The following SNAP25 variants were observed in gnomAD, a reference collection of about 807,000 sequenced individuals.
The protein encoded by SNAP25 is synaptosomal-associated protein 25.
SNAP25 carries 3 observed loss-of-function variants against 28.7 expected under a neutral mutation model. That is an observed-to-expected ratio of 0.10 (90% CI 0.05 to 0.27). The LOEUF is 0.27. SNAP25 is among the 10% of genes least tolerant of loss of function. The pLI, the probability that SNAP25 is intolerant of heterozygous loss-of-function variation, is 1.00. For missense variants in SNAP25, 117 were observed against 278.7 expected (o/e 0.42, Z 4.13); for synonymous variants, 61 against 88.1 (o/e 0.69, Z 1.72).
intron 1 of SNAP25, among the ~76,000 whole-genome samples, chr20:10,265,254 C>CA (rs2063487664): frequency 1.3e-5 from 2 of 152,298 alleles, no homozygotes; most frequent in South Asian, 4.1e-4. Flanking sequence ...AGAAAATTTA[C>CA]AACTATGAAC....
intron 1 of SNAP25, among the ~76,000 whole-genome samples, chr20:10,225,810 A>G (rs1160014347): frequency 6.6e-6 from 1 of 152,174 alleles, no homozygotes; most frequent in Non-Finnish European, 1.5e-5. Flanking sequence ...CTAGTCACAG[A>G]TCTTGAACTT....
At chr20:10,225,885 A>G (rs571261151) in intron 1 of SNAP25, among the ~76,000 whole-genome samples, 3 of 151,952 alleles carry the variant, frequency 2.0e-5, no homozygotes, top group Non-Finnish European at 4.4e-5. Flanking sequence ...GATAACAGCA[A>G]GTAAAAAAAT....
chr20:10,282,811 C>T (rs924373014), intron 3 of SNAP25, among the ~76,000 whole-genome samples: 1 of 152,146 alleles, frequency 6.6e-6, no homozygotes, highest in African/African-American at 2.4e-5. Flanking sequence ...AATTTCATCT[C>T]ACAAGAAATG....
chr20:10,262,504 T>C (rs911645807), intron 1 of SNAP25, among the ~76,000 whole-genome samples: 1 of 152,182 alleles, frequency 6.6e-6, no homozygotes, highest in African/African-American at 2.4e-5. Flanking sequence ...ACAGAGAATT[T>C]TTGTTCTTTT....
intron 1 of SNAP25, among the ~76,000 whole-genome samples, chr20:10,247,564 T>C (rs940353131): frequency 4.6e-5 from 7 of 152,226 alleles, no homozygotes; most frequent in African/African-American, 1.7e-4. Context: ...CCTCTTGGCC[T>C]ATTTTCTTTT....
chr20:10,218,920 T>G lies in SNAP25; in HGVS notation c.-121T>G, dbSNP rs1345526437. 6.6e-6 allele frequency: 1 copy of G among 152,256 alleles called. No homozygotes were observed. Among genetic ancestry groups the G allele is most frequent in the Non-Finnish European group, 1.5e-5 (1 of 68,152 alleles). 9.4% of individuals were successfully genotyped at this position (152,256 alleles called of 1,614,324 possible). Reference sequence around the variant, plus strand: ...TTTCCTTCCCTCCCTGCTCGGCGGCTCCACCACAGTTGCAACCTGCAGAGG... The same window carrying G: ...TTTCCTTCCCTCCCTGCTCGGCGGCGCCACCACAGTTGCAACCTGCAGAGG... On this transcript the variant is annotated 5_prime_UTR_variant, in exon 1 of 8. Transcript: ENST00000254976.
chr20:10,238,341 G>T (rs1405720141), intron 1 of SNAP25, among the ~76,000 whole-genome samples: 1 of 152,196 alleles, frequency 6.6e-6, no homozygotes, highest in African/African-American at 2.4e-5. Context: ...AGGCCACAGT[G>T]TAAGCCCTGA....
chr20:10,257,286 T>G (rs977851655), intron 1 of SNAP25, among the ~76,000 whole-genome samples: 2 of 152,174 alleles, frequency 1.3e-5, no homozygotes, highest in African/African-American at 4.8e-5. Flanking sequence ...CAAAAAGACA[T>G]TCACCTGGCC....
At chr20:10,271,104 C>T (rs2063584567) in intron 1 of SNAP25, among the ~76,000 whole-genome samples, 2 of 152,168 alleles carry the variant, frequency 1.3e-5, no homozygotes. Context: ...TCCTAGTTTC[C>T]TCTTTCTACC....
chr20:10,221,672 G>A (rs1287067654), intron 1 of SNAP25, among the ~76,000 whole-genome samples: 1 of 152,150 alleles, frequency 6.6e-6, no homozygotes, highest in African/African-American at 2.4e-5. Flanking sequence ...TTTTTACTTT[G>A]TTAAACACGC....
intron 4 of SNAP25, chr20:10,292,771 A>G: frequency 1.4e-6 from 1 of 718,038 alleles, no homozygotes; most frequent in South Asian, 1.8e-5. Flanking sequence ...CTCTTGGACA[A>G]TGCATTGTAA....
At chr20:10,233,990 C>T (rs561837117) in intron 1 of SNAP25, among the ~76,000 whole-genome samples, 1 of 152,270 alleles carries the variant, frequency 6.6e-6, no homozygotes, top group Non-Finnish European at 1.5e-5. Context: ...CTCAGTGAAG[C>T]AGGCGAAGTT....
At chr20:10,239,287 G>A (rs1600663332) in intron 1 of SNAP25, among the ~76,000 whole-genome samples, 2 of 152,182 alleles carry the variant, frequency 1.3e-5, no homozygotes, top group African/African-American at 4.8e-5. Flanking sequence ...GTAGACAATA[G>A]TCGAATTTCA....
rs749620710 is a variant in SNAP25, at chr20:10,306,236, A to C, written c.*39A>C. ...TGTTCTCCTCCAAATGCTGTCGGGC[A>C]AGATAGCTCCTTCATGCTTTTCTCA... is the stretch of plus-strand genomic sequence containing the variant. On this transcript the variant is annotated 3_prime_UTR_variant, in exon 8 of 8. Coordinates refer to ENST00000254976, the MANE Select transcript of SNAP25 (RefSeq NM_130811.4). The C allele has an allele frequency of 3.8e-6, 6 of 1,582,894 alleles. No individual in the cohort carries two copies. In the South Asian group the frequency reaches 6.6e-5, roughly 18 times the overall value.
chr20:10,306,249 C>A lies in SNAP25; in HGVS notation c.*52C>A, dbSNP rs774617666. 1 of 1,542,860 alleles carries A rather than the reference C, an allele frequency of 6.5e-7. No homozygotes were observed. The highest frequency in any genetic ancestry group is 1.4e-5 in the African/African-American group (1 of 73,386). The stretch of plus-strand genomic sequence containing the variant: ...ATGCTGTCGGGCAAGATAGCTCCTT[C>A]ATGCTTTTCTCATGGTATTATCTAG... On this transcript the variant is annotated 3_prime_UTR_variant, in exon 8 of 8. Coordinates refer to ENST00000254976, the MANE Select transcript of SNAP25 (RefSeq NM_130811.4).
intron 4 of SNAP25, among the ~76,000 whole-genome samples, chr20:10,285,812 A>C (rs955515229): frequency 6.6e-6 from 1 of 152,180 alleles, no homozygotes; most frequent in South Asian, 2.1e-4. Flanking sequence ...ACGTCATCAC[A>C]GATGTATGAA....
chr20:10,229,098 C>T (rs747277491), intron 1 of SNAP25, among the ~76,000 whole-genome samples: 1 of 152,048 alleles, frequency 6.6e-6, no homozygotes, highest in African/African-American at 2.4e-5. Flanking sequence ...TCCTTAACAT[C>T]TTGTATTTTA....
chr20:10,285,097 G>T (rs62187160), intron 4 of SNAP25, among the ~76,000 whole-genome samples: 22,525 of 151,986 alleles, frequency 0.15, 1,889 homozygotes, highest in Admixed American at 0.2. Flanking sequence ...TATTATCTTT[G>T]CCCCTAAACT....
intron 1 of SNAP25, among the ~76,000 whole-genome samples, chr20:10,256,431 C>T (rs1441444365): frequency 6.6e-6 from 1 of 151,754 alleles, no homozygotes; most frequent in Non-Finnish European, 1.5e-5. Context: ...CAAATTTTAG[C>T]TGGATTAAAA....
Sources: gnomAD v4.1 joint callset for allele counts (sites outside exome capture counted in the v4.1 genomes callset) on GRCh38, gnomAD v4.1.1 for gene constraint, MANE v1.5 for transcripts, NCBI Gene and HGNC (gene_info 2026-07-23, HGNC 2026-07-21) for gene names.